The following ZNF726 variants were observed in gnomAD, a reference collection of about 807,000 sequenced individuals.
ZNF726 encodes zinc finger protein 726.
A neutral mutation model predicts 11.6 loss-of-function variants in ZNF726; 15 were observed. The observed-to-expected ratio is 1.29, with a 90% CI of 0.86 to 1.99. The LOEUF (loss-of-function observed/expected upper bound fraction) is 1.99, where lower values mean the gene tolerates loss of function less well. Ranked by LOEUF, ZNF726 falls within the 30% of genes most tolerant of loss-of-function variation. ZNF726 has a pLI of 0.00. For synonymous variants in ZNF726, 295 were observed against 243.6 expected (o/e 1.21, Z -1.96); for missense variants, 890 against 725.6 (o/e 1.23, Z -2.60).
At chr19:23,943,573 A>G in exon 4 of ZNF726, 1 of 662,942 alleles carries the variant, frequency 1.5e-6, no homozygotes, top group South Asian at 1.7e-5. Flanking sequence ...GACATGAGAC[A>G]GTAGTCAAAT....
chr19:23,935,191 A>C, downstream of ZNF726: 1 of 423,240 alleles, frequency 2.4e-6, no homozygotes, highest in Non-Finnish European at 4.8e-6. Context: ...AGTGGGAGGT[A>C]ACTGAATCAC....
intron 1 of ZNF726, among the ~76,000 whole-genome samples, chr19:23,915,765 G>A (rs1475285369): frequency 6.6e-6 from 1 of 151,844 alleles, no homozygotes; most frequent in Non-Finnish European, 1.5e-5. Flanking sequence ...ATTTTTAGCG[G>A]AGACGGGGGT....
intron 3 of ZNF726, among the ~76,000 whole-genome samples, chr19:23,921,965 G>A (rs61373831): frequency 3.8e-3 from 584 of 152,296 alleles, no homozygotes; most frequent in African/African-American, 0.013. Context: ...ATTTGAAGGA[G>A]CAAACACCTC....
intron 3 of ZNF726, chr19:23,920,339 AAG>A: frequency 4.5e-6 from 1 of 223,630 alleles, no homozygotes; most frequent in African/African-American, 2.3e-5. Context: ...TGGCATATAA[AAG>A]AGTGTACAAT....
chr19:23,933,904 C>T lies in ZNF726; in HGVS notation c.1788C>T (p.Asp596=), dbSNP rs774694966. The T allele has an allele frequency of 2.1e-5, 34 of 1,584,716 alleles. No individual in the cohort carries two copies. The highest frequency in any genetic ancestry group is 8.2e-5 in the African/African-American group (6 of 72,838). ...IHTGEKPYKC[D]ECGKSFIWSS... Reference sequence around the variant, plus strand: ...CTGGAGAGAAACCTTACAAGTGTGACGAATGTGGCAAATCATTTATCTGGT... The same window carrying T: ...CTGGAGAGAAACCTTACAAGTGTGATGAATGTGGCAAATCATTTATCTGGT... Residue 596 remains aspartate (D), a synonymous_variant, in exon 4 of 4, where the codon GAC becomes GAT. Transcript: ENST00000594466.
In ZNF726 at chr19:23,933,113, A is replaced by C; in HGVS notation, c.997A>C (p.Arg333=). ...VWSSTLTRHK[R]LHSGEKPYKC... ...GTCCTCAACCCTAACTAGACATAAGAGGCTGCACAGTGGAGAGAAACCCTA... is the reference window on the plus strand; with the variant it reads ...GTCCTCAACCCTAACTAGACATAAGCGGCTGCACAGTGGAGAGAAACCCTA... The change falls in exon 4 of 4, where the codon AGG becomes CGG. Residue 333 remains arginine (R), a synonymous_variant. Transcript: ENST00000594466. 1 of 1,612,318 alleles carries C rather than the reference A, an allele frequency of 6.2e-7. No individual in the cohort carries two copies. The highest frequency in any genetic ancestry group is 8.5e-7 in the Non-Finnish European group (1 of 1,179,956).
chr19:23,939,615 G>T (rs115173459), intron 3 of ZNF726, among the ~76,000 whole-genome samples: 13 of 152,186 alleles, frequency 8.5e-5, no homozygotes, highest in African/African-American at 3.1e-4. Flanking sequence ...TTCCATAGCG[G>T]CTGTACTAGT....
rs373397255 is a variant in ZNF726, at chr19:23,933,439, T to C, written c.1323T>C (p.Thr441=). 1 of 1,612,468 alleles carries C rather than the reference T, an allele frequency of 6.2e-7. No individual in the cohort carries two copies. The highest frequency in any genetic ancestry group is 1.1e-5 in the South Asian group (1 of 90,966). Residue 441 remains threonine, a synonymous_variant, in exon 4 of 4, where the codon ACT becomes ACC. Coordinates refer to ENST00000594466, the MANE Select transcript of ZNF726 (RefSeq NM_001244038.2). The part of the protein sequence containing the change: ...GKAFIWSSNL[T]EHKKIHTREK... ...CGTTTATATGGTCCTCAAACCTTAC[T>C]GAACATAAGAAAATTCATACTAGAG...
intron 4 of ZNF726, chr19:23,943,695 A>C (rs527509936): frequency 9.3e-6 from 4 of 428,404 alleles, no homozygotes; most frequent in Non-Finnish European, 1.3e-5. Flanking sequence ...CAGTGGAAAG[A>C]TTTCCTAAAA....
intron 3 of ZNF726, among the ~76,000 whole-genome samples, chr19:23,924,713 C>T (rs1449475847): frequency 6.6e-6 from 1 of 151,986 alleles, no homozygotes; most frequent in East Asian, 1.9e-4. Flanking sequence ...AATATGGAGA[C>T]ACCCTCTCTA....
At position 23,932,605 on chromosome 19, in the gene ZNF726, T is replaced by C. The variant is rs759127624; in HGVS notation, c.489T>C (p.Tyr163=). ...VFYKFINLNR[Y]KIRHTRKKPF... is the part of the protein sequence containing the mutation. Reference sequence around the variant, plus strand: ...ATAAATTTATAAATTTAAACAGATATAAGATAAGACATACTAGAAAGAAAC... The same window carrying C: ...ATAAATTTATAAATTTAAACAGATACAAGATAAGACATACTAGAAAGAAAC... Residue 163 remains tyrosine (Y), a synonymous_variant, in exon 4 of 4, where the codon TAT becomes TAC. Coordinates refer to ENST00000594466, the MANE Select transcript of ZNF726 (RefSeq NM_001244038.2). 6.5e-6 allele frequency: 10 copies of C among 1,541,210 alleles called. No individual in the cohort carries two copies. Among genetic ancestry groups the C allele is most frequent in the South Asian group, 1.2e-5 (1 of 82,280 alleles).
At position 23,919,895 on chromosome 19, in the gene ZNF726, T is replaced by G. The variant is rs1967798815; in HGVS notation, c.131-92T>G. 7.2e-6 allele frequency: 5 copies of G among 690,030 alleles called. No homozygotes were observed. The South Asian group carries it at 1.0e-4, about 14-fold the overall frequency. The allele number at this position is 690,030 out of a possible 1,614,324, so 42.7% of individuals were successfully genotyped here. A position where few individuals can be genotyped will look rare whatever the true frequency, so the allele number is the denominator to read the frequency against. On this transcript the variant is annotated intron_variant, in intron 2 of 3. Coordinates refer to ENST00000594466, the MANE Select transcript of ZNF726 (RefSeq NM_001244038.2). ...AGTATATGGGATAAATTTATTAGAA[T>G]ATTCTATTATATCCCTTTTACTTTG... is the stretch of plus-strand genomic sequence containing the variant.
downstream of ZNF726, chr19:23,935,299 G>C (rs1968209718): frequency 2.0e-6 from 1 of 509,780 alleles, no homozygotes; most frequent in Admixed American, 2.1e-5. Flanking sequence ...CTCTACAAAT[G>C]TGAAGAATGT....
intron 3 of ZNF726, among the ~76,000 whole-genome samples, chr19:23,929,523 A>T (rs1461693966): frequency 6.6e-6 from 1 of 152,120 alleles, no homozygotes; most frequent in Non-Finnish European, 1.5e-5. Flanking sequence ...CTATCATGAG[A>T]CCAGCACAGA....
At chr19:23,919,686 G>T (rs1967794297) in intron 2 of ZNF726, 187 bp downstream of exon 2, 4 of 689,992 alleles carry the variant, frequency 5.8e-6, no homozygotes. Flanking sequence ...TTCCTGAGCT[G>T]ATCTGTGTCT....
intron 3 of ZNF726, among the ~76,000 whole-genome samples, chr19:23,939,861 G>GTTTTTTTTTTT (rs1405429449): frequency 1.9e-4 from 15 of 80,110 alleles, no homozygotes; most frequent in South Asian, 9.1e-4. Context: ...TTTTTGATGG[G>GTTTTTTTTTTT]ATTTTTTTTT....
rs1968128841 is a variant in ZNF726, at chr19:23,932,481, A to T, written c.365A>T (p.Glu122Val). The T allele has an allele frequency of 1.3e-6, 2 of 1,583,762 alleles. No individual in the cohort carries two copies. The highest frequency in any genetic ancestry group is 1.7e-6 in the Non-Finnish European group (2 of 1,169,206). Residue 122 changes from glutamate to valine, a missense_variant, in exon 4 of 4, where the codon GAG becomes GTG. Physicochemically the swap from Glu to Val is moderately radical, Grantham distance 121. Coordinates refer to ENST00000594466, the MANE Select transcript of ZNF726 (RefSeq NM_001244038.2). Reference protein sequence around the residue: ...QLRKGCKSVDECKVHKEGYNG... With the variant: ...QLRKGCKSVDVCKVHKEGYNG... ...AGAAAAGGTTGTAAAAGTGTGGATG[A>T]GTGTAAGGTACACAAAGAAGGTTAT...
chr19:23,936,993 G>T (rs922642436), downstream of ZNF726, among the ~76,000 whole-genome samples: 10 of 152,042 alleles, frequency 6.6e-5, no homozygotes, highest in African/African-American at 2.4e-4. Context: ...AGACGGGGTG[G>T]TGGCCGGGCA....
chr19:23,919,236 A>G (rs1008697719), intron 1 of ZNF726, 137 bp from the exon 2 acceptor site: 5 of 1,379,956 alleles, frequency 3.6e-6, no homozygotes, highest in Non-Finnish European at 4.9e-6. Context: ...TGTTTTGACA[A>G]TTATTTTATT....
Sources: allele counts gnomAD v4.1 joint callset (sites outside exome capture counted in the v4.1 genomes callset), GRCh38; gene constraint gnomAD v4.1.1; transcripts MANE v1.5; gene names NCBI Gene and HGNC (gene_info 2026-07-23, HGNC 2026-07-21).